Variants in DCTN4 observed in about 807,000 individuals in gnomAD.
The protein encoded by DCTN4 is dynactin subunit 4, also known as dynactin 4 (p62).
DCTN4 carries 23 observed loss-of-function variants against 62.7 expected under a neutral mutation model. The ratio of observed to expected loss-of-function variants is 0.37; its 90% confidence interval spans 0.26 to 0.52. The LOEUF (loss-of-function observed/expected upper bound fraction) is 0.52, where lower values mean the gene tolerates loss of function less well. Among genes scored for constraint, DCTN4 ranks in the 20% least tolerant of loss-of-function variants. The probability of loss-of-function intolerance (pLI) is 0.92; values close to 1 mark genes in which losing one functional copy is unlikely to be tolerated. For missense variants in DCTN4, 514 were observed against 580.4 expected (o/e 0.89, Z 1.18); for synonymous variants, 199 against 202.1 (o/e 0.98, Z 0.13).
chr5:150,742,547 G>A (rs965784433), intron 3 of DCTN4, among the ~76,000 whole-genome samples: 1 of 152,182 alleles, frequency 6.6e-6, no homozygotes, highest in Non-Finnish European at 1.5e-5. Context: ...GTCTGACTCC[G>A]GAGACTTTGC....
chr5:150,755,653 C>A (rs1752833930), intron 2 of DCTN4: 10 of 434,930 alleles, frequency 2.3e-5, no homozygotes, highest in South Asian at 1.6e-4. Flanking sequence ...CTTTTGAGGT[C>A]ATCAAAACCA....
At chr5:150,714,469 C>T (rs751573185) in intron 12 of DCTN4, among the ~76,000 whole-genome samples, 16 of 152,094 alleles carry the variant, frequency 1.1e-4, no homozygotes, top group Non-Finnish European at 1.5e-4. Flanking sequence ...CTCAGCCTAC[C>T]GGGCTCAACT....
intron 12 of DCTN4, among the ~76,000 whole-genome samples, chr5:150,715,351 T>C (rs988461351): frequency 6.6e-6 from 1 of 152,238 alleles, no homozygotes; most frequent in Non-Finnish European, 1.5e-5. Context: ...GAAGGACAAA[T>C]GCCAAAATGC....
intron 5 of DCTN4, chr5:150,731,883 T>C (rs1760384108): frequency 1.3e-6 from 2 of 1,551,606 alleles, no homozygotes; most frequent in Non-Finnish European, 1.7e-6. Context: ...AAGGAGAACT[T>C]ACCACTACAT....
chr5:150,741,924 T>C (rs1000819590), intron 4 of DCTN4, among the ~76,000 whole-genome samples, 190 bp downstream of exon 4: 4 of 152,224 alleles, frequency 2.6e-5, no homozygotes, highest in African/African-American at 7.2e-5. Flanking sequence ...GGATTCTCCA[T>C]TATCTTAAGT....
chr5:150,716,464 G>A (rs897531063), intron 11 of DCTN4, among the ~76,000 whole-genome samples: 3 of 152,108 alleles, frequency 2.0e-5, no homozygotes, highest in African/African-American at 7.2e-5. Context: ...CCTCAACTTT[G>A]CTCTATCAGA....
intron 4 of DCTN4, among the ~76,000 whole-genome samples, chr5:150,737,288 T>C (rs569602780): frequency 2.6e-5 from 4 of 152,320 alleles, no homozygotes; most frequent in Admixed American, 2.6e-4. Flanking sequence ...TTACAGATCA[T>C]TCTACCCAAC....
chr5:150,746,563 A>G (rs1760973074), intron 3 of DCTN4, among the ~76,000 whole-genome samples: 1 of 152,238 alleles, frequency 6.6e-6, no homozygotes, highest in Admixed American at 6.5e-5. Flanking sequence ...AACCGAATGC[A>G]GCAGCACATC....
At position 150,715,676 on chromosome 5, in the gene DCTN4, C is replaced by T. The variant is rs190354614; in HGVS notation, c.1072-14G>A. 12 of 1,610,570 alleles carry T rather than the reference C, an allele frequency of 7.5e-6. No homozygotes were observed. The African/African-American group carries it at 1.6e-4, about 21-fold the overall frequency. On this transcript the variant is annotated splice_polypyrimidine_tract_variant and intron_variant, in intron 11 of 12. Transcript: ENST00000447998. ...AGGCACCACCACCTGGAGAGCAACA[C>T]AGAGAGGCCTGCCTGAGAAGGGACC...
chr5:150,730,217 A>G (rs1032941920), intron 8 of DCTN4, among the ~76,000 whole-genome samples: 2 of 152,154 alleles, frequency 1.3e-5, no homozygotes, highest in South Asian at 2.1e-4. Context: ...CAATTTATTT[A>G]TTGAAGAAAC....
chr5:150,757,749 C>T (rs1223198058), intron 1 of DCTN4, among the ~76,000 whole-genome samples: 1 of 152,062 alleles, frequency 6.6e-6, no homozygotes, highest in Non-Finnish European at 1.5e-5. Flanking sequence ...TGAAAAGTAT[C>T]TTCAATAAAA....
chr5:150,723,275 T>G (rs543669226), intron 8 of DCTN4, among the ~76,000 whole-genome samples: 1 of 152,296 alleles, frequency 6.6e-6, no homozygotes, highest in African/African-American at 2.4e-5. Context: ...TGCTCACTGG[T>G]TTAACTGGAT....
intron 1 of DCTN4, among the ~76,000 whole-genome samples, chr5:150,757,678 ATT>A (rs1752911943): frequency 6.6e-6 from 1 of 152,186 alleles, no homozygotes; most frequent in Non-Finnish European, 1.5e-5. Context: ...TCGATGCCAT[ATT>A]TTTAATATAT....
At chr5:150,731,234 T>C (rs1581580660) in intron 6 of DCTN4, 78 bp from the exon 7 acceptor site, 1 of 1,064,446 alleles carries the variant, frequency 9.4e-7, no homozygotes, top group Non-Finnish European at 1.4e-6. Flanking sequence ...CCTCAGTCTA[T>C]GATATCAATA....
chr5:150,740,913 G>C (rs1028994705), intron 4 of DCTN4, among the ~76,000 whole-genome samples: 9 of 152,126 alleles, frequency 5.9e-5, no homozygotes, highest in African/African-American at 2.2e-4. Flanking sequence ...AGCTGGGAAG[G>C]GGGTGAGGAT....
chr5:150,733,532 T>A, intron 4 of DCTN4, 57 bp from the exon 5 acceptor site: 1 of 1,251,406 alleles, frequency 8.0e-7, no homozygotes, highest in Non-Finnish European at 1.2e-6. Flanking sequence ...CATATCAAAT[T>A]AATCAACTAC....
chr5:150,731,391 A>G (rs1760362669), intron 6 of DCTN4, 25 bp downstream of exon 6: 1 of 1,600,200 alleles, frequency 6.2e-7, no homozygotes, highest in Non-Finnish European at 8.6e-7. Flanking sequence ...TGTTCTCCTC[A>G]AAGTCATTTC....
intron 3 of DCTN4, among the ~76,000 whole-genome samples, chr5:150,750,347 G>A (rs765034852): frequency 4.6e-5 from 7 of 152,186 alleles, no homozygotes; most frequent in Non-Finnish European, 8.8e-5. Flanking sequence ...ACAAGGAACT[G>A]GAGCTACAGG....
At chr5:150,745,169 C>G (rs568806214) in intron 3 of DCTN4, among the ~76,000 whole-genome samples, 19 of 150,556 alleles carry the variant, frequency 1.3e-4, no homozygotes, top group Admixed American at 5.9e-4. Context: ...GACTTTAAAC[C>G]AACAAGGATC....
Sources: allele counts gnomAD v4.1 joint callset (sites outside exome capture counted in the v4.1 genomes callset), GRCh38; gene constraint gnomAD v4.1.1; transcripts MANE v1.5; gene names NCBI Gene and HGNC (gene_info 2026-07-23, HGNC 2026-07-21).